Variants in SCHIP1 observed in about 807,000 individuals in gnomAD.
The protein encoded by SCHIP1 is schwannomin-interacting protein 1.
A neutral mutation model predicts 29.7 loss-of-function variants in SCHIP1; 8 were observed. The observed-to-expected ratio is 0.27, with a 90% CI of 0.16 to 0.49. SCHIP1 has a LOEUF of 0.49. SCHIP1 is among the 20% of genes least tolerant of loss of function. The probability of loss-of-function intolerance (pLI) is 0.99; values close to 1 mark genes in which losing one functional copy is unlikely to be tolerated. For missense variants in SCHIP1, 193 were observed against 294.6 expected (o/e 0.66, Z 2.52); for synonymous variants, 76 against 94.9 (o/e 0.80, Z 1.16).
intron 2 of SCHIP1, among the ~76,000 whole-genome samples, chr3:159,867,929 A>G (rs1176715551): frequency 1.4e-5 from 2 of 144,516 alleles, no homozygotes; most frequent in Non-Finnish European, 3.1e-5. Context: ...CAGCAATGTC[A>G]TATCCATGTT....
At chr3:159,778,263 G>A in the SCHIP1 span, among the ~76,000 whole-genome samples, 1 of 152,154 alleles carries the variant, frequency 6.6e-6, no homozygotes, top group Non-Finnish European at 1.5e-5. Context: ...AAAGTGCTGG[G>A]ATTACAGGCG....
At chr3:159,490,594 A>G in the SCHIP1 span, among the ~76,000 whole-genome samples, 1 of 152,234 alleles carries the variant, frequency 6.6e-6, no homozygotes, top group Non-Finnish European at 1.5e-5. Context: ...GCCAAAGTGC[A>G]TGCACACAAA....
At chr3:159,568,689 C>A in the SCHIP1 span, among the ~76,000 whole-genome samples, 1 of 152,050 alleles carries the variant, frequency 6.6e-6, no homozygotes, top group South Asian at 2.1e-4. Context: ...TTGGTGAGTG[C>A]AAGTCTGTGT....
the SCHIP1 span, among the ~76,000 whole-genome samples, chr3:159,817,033 A>G: frequency 6.6e-6 from 1 of 152,138 alleles, no homozygotes; most frequent in Admixed American, 6.5e-5. Context: ...TTCTTTGTTT[A>G]TGTGTCTATC....
chr3:159,793,814 T>C, the SCHIP1 span, among the ~76,000 whole-genome samples: 1 of 152,222 alleles, frequency 6.6e-6, no homozygotes, highest in African/African-American at 2.4e-5. Context: ...TGCCTCAGTA[T>C]CTCAAAGTTC....
chr3:159,570,254 T>C, the SCHIP1 span, among the ~76,000 whole-genome samples: 2 of 152,226 alleles, frequency 1.3e-5, no homozygotes, highest in African/African-American at 4.8e-5. Flanking sequence ...CTAGGTTTTC[T>C]TCTAGGGTTT....
chr3:159,875,530 C>T (rs186719062), intron 2 of SCHIP1, among the ~76,000 whole-genome samples: 1 of 152,280 alleles, frequency 6.6e-6, no homozygotes, highest in East Asian at 1.9e-4. Flanking sequence ...TTCATTGGTG[C>T]ATCATCTTTG....
chr3:159,733,198 C>T, the SCHIP1 span, among the ~76,000 whole-genome samples: 5 of 152,232 alleles, frequency 3.3e-5, no homozygotes, highest in African/African-American at 1.2e-4. Context: ...ATTACTGCTC[C>T]GTCATTTACT....
At chr3:159,710,957 G>C in the SCHIP1 span, among the ~76,000 whole-genome samples, 1 of 152,094 alleles carries the variant, frequency 6.6e-6, no homozygotes, top group African/African-American at 2.4e-5. Flanking sequence ...AAAAGCAAGC[G>C]TGACCTATTA....
chr3:159,284,274 C>G, the SCHIP1 span, among the ~76,000 whole-genome samples: 1 of 152,110 alleles, frequency 6.6e-6, no homozygotes, highest in Admixed American at 6.5e-5. Flanking sequence ...CTGCTACTTA[C>G]TTTCCAAGAT....
At chr3:159,461,935 C>G in the SCHIP1 span, among the ~76,000 whole-genome samples, 1 of 152,108 alleles carries the variant, frequency 6.6e-6, no homozygotes, top group Non-Finnish European at 1.5e-5. Flanking sequence ...GAAGGCTGGG[C>G]ATGATGGCTC....
At chr3:159,812,610 C>T in the SCHIP1 span, among the ~76,000 whole-genome samples, 1 of 152,082 alleles carries the variant, frequency 6.6e-6, no homozygotes, top group African/African-American at 2.4e-5. Flanking sequence ...TCACATGGCA[C>T]AATAATCAGT....
At chr3:159,595,650 C>T in the SCHIP1 span, among the ~76,000 whole-genome samples, 1 of 152,032 alleles carries the variant, frequency 6.6e-6, no homozygotes, top group Non-Finnish European at 1.5e-5. Context: ...CCCTAAATCA[C>T]CACTATTTAA....
the SCHIP1 span, among the ~76,000 whole-genome samples, chr3:159,577,010 A>G: frequency 6.6e-6 from 1 of 152,156 alleles, no homozygotes. Flanking sequence ...AGACTTCTGT[A>G]TTGCCAAAAG....
At chr3:159,832,420 T>A in the SCHIP1 span, among the ~76,000 whole-genome samples, 33 of 152,090 alleles carry the variant, frequency 2.2e-4, no homozygotes, top group African/African-American at 8.0e-4. Context: ...ACCTAGACAT[T>A]TGGGTCTCCC....
At chr3:159,487,691 G>T in the SCHIP1 span, among the ~76,000 whole-genome samples, 2 of 152,126 alleles carry the variant, frequency 1.3e-5, no homozygotes, top group African/African-American at 2.4e-5. Context: ...TCCATAGCAG[G>T]CCTGTGTGAT....
the SCHIP1 span, among the ~76,000 whole-genome samples, chr3:159,754,234 T>C: frequency 1.1e-4 from 17 of 152,370 alleles, no homozygotes; most frequent in Admixed American, 1.1e-3. Context: ...AGAAAGTTTG[T>C]ATCAGTCAAT....
chr3:159,466,442 T>G, the SCHIP1 span, among the ~76,000 whole-genome samples: 1 of 152,126 alleles, frequency 6.6e-6, no homozygotes, highest in African/African-American at 2.4e-5. Flanking sequence ...AAGGGGATAA[T>G]AGAATTGATT....
chr3:159,829,240 C>T, the SCHIP1 span, among the ~76,000 whole-genome samples: 1 of 152,106 alleles, frequency 6.6e-6, no homozygotes, highest in African/African-American at 2.4e-5. Context: ...TCTCATTATT[C>T]TAGAGGCAAA....
Sources: gnomAD v4.1 joint callset for allele counts (sites outside exome capture counted in the v4.1 genomes callset) on GRCh38, gnomAD v4.1.1 for gene constraint, MANE v1.5 for transcripts, NCBI Gene and HGNC (gene_info 2026-07-23, HGNC 2026-07-21) for gene names.